ABCA1: variants seen among roughly 807,000 people sequenced by gnomAD.
The protein encoded by ABCA1 is phospholipid-transporting ATPase ABCA1.
In ABCA1, 133 loss-of-function variants were observed where a neutral mutation model predicts 262.5. The ratio of observed to expected loss-of-function variants is 0.51; its 90% CI spans 0.44 to 0.59. The LOEUF (loss-of-function observed/expected upper bound fraction) is 0.59, where lower values mean the gene tolerates loss of function less well. Among genes scored for constraint, ABCA1 ranks in the 20% least tolerant of loss-of-function variants. The probability of loss-of-function intolerance (pLI) is 0.00; values close to 1 mark genes in which losing one functional copy is unlikely to be tolerated. For synonymous variants in ABCA1, 1,022 were observed against 1,043.5 expected, an observed-to-expected ratio of 0.98 and a Z score of 0.40; for missense variants, 2,452 against 2,777.5, an observed-to-expected ratio of 0.88 and a Z score of 2.63.
intron 28 of ABCA1, among the ~76,000 whole-genome samples, chr9:104,811,435 A>T (rs750571863): frequency 1.2e-4 from 19 of 152,252 alleles, no homozygotes; most frequent in Middle Eastern, 3.4e-3. Flanking sequence ...ACTATAATAA[A>T]ACCAACTCTA....
At chr9:104,806,026 A>C (rs983358948) in intron 31 of ABCA1, among the ~76,000 whole-genome samples, 25 of 151,976 alleles carry the variant, frequency 1.6e-4, no homozygotes, top group African/African-American at 6.0e-4. Context: ...AATCGCTTGA[A>C]CCTGGGAGGT....
chr9:104,786,369 A>C lies in ABCA1; in HGVS notation c.6330T>G (p.Leu2110=), dbSNP rs754074746. The part of the protein sequence containing the change: ...TSHSMEECEA[L]CTRMAIMVNG... ...TGACCATGATTGCCATCCTAGTGCA[A>C]AGAGCTTCACATTCTTCCATACTGC... The change falls in exon 48 of 50, where the codon CTT becomes CTG. Residue 2110 remains leucine, a synonymous_variant. Transcript: ENST00000374736. 3 of 1,614,146 alleles carry C rather than the reference A, an allele frequency of 1.9e-6. No individual in the cohort carries two copies. In the Admixed American group the frequency reaches 5.0e-5, roughly 27 times the overall value.
intron 7 of ABCA1, among the ~76,000 whole-genome samples, chr9:104,846,009 A>C (rs1834839029): frequency 6.6e-6 from 1 of 152,222 alleles, no homozygotes; most frequent in Non-Finnish European, 1.5e-5. Flanking sequence ...GAAAGATGGA[A>C]TTCTGTCACT....
At position 104,787,943 on chromosome 9, in the gene ABCA1, C is replaced by T. The variant is rs751548064; in HGVS notation, c.6181G>A (p.Gly2061Ser). ...ACCAGAAACACCACAGGAGGCCCGC[C>T]GATCAAAGCCATGGCTGTAGAGAGC... is the stretch of plus-strand genomic sequence containing the variant. ...RKLSTAMALI[G>S]GPPVVFLDEP... The change falls in exon 46 of 50, where the codon GGC becomes AGC. Residue 2061 changes from glycine to serine, a missense_variant. Physicochemically the swap from Gly to Ser is moderately conservative, Grantham distance 56. This residue lies in a region of ABCA1 where 752 missense variants were observed against 944.5 expected (regional missense o/e 0.80). Transcript: ENST00000374736. 13 of 1,613,978 alleles carry T rather than the reference C, an allele frequency of 8.1e-6. No individual in the cohort carries two copies. The highest frequency in any genetic ancestry group is 3.3e-5 in the Admixed American group (2 of 59,996).
At chr9:104,876,907 G>A (rs1838213481) in intron 5 of ABCA1, among the ~76,000 whole-genome samples, 1 of 152,194 alleles carries the variant, frequency 6.6e-6, no homozygotes, top group African/African-American at 2.4e-5. Context: ...GGGGCCTGAG[G>A]CTGACACAAG....
intron 31 of ABCA1, 32 bp downstream of exon 31, chr9:104,806,209 T>G (rs1830747225): frequency 6.2e-7 from 1 of 1,608,684 alleles, no homozygotes. Context: ...CCTGCACCCC[T>G]TCTGCCCAAT....
chr9:104,831,406 T>C lies in ABCA1; in HGVS notation c.1715+216A>G, dbSNP rs112953925. ...TGGAATTAATTCCCTTGAGTAGAAA[T>C]GCTAAATCAAAAGATACTGTTATTT... On this transcript the variant is annotated intron_variant, in intron 13 of 49. Transcript: ENST00000374736. 0.035 allele frequency among the ~76,000 whole-genome samples: 5,386 copies of C among 152,110 alleles called. 346 individuals carry two copies. The highest frequency in any genetic ancestry group is 0.12 in the African/African-American group (5,140 of 41,486).
intron 13 of ABCA1, 53 bp from the exon 14 acceptor site, chr9:104,831,154 A>AAC: frequency 7.2e-7 from 1 of 1,387,550 alleles, no homozygotes; most frequent in Non-Finnish European, 9.7e-7. Context: ...TACAATAAAA[A>AAC]AAAAAAAAAA....
At chr9:104,862,649 C>CGGCCCCCCGGGCA (rs1836585421) in intron 5 of ABCA1, among the ~76,000 whole-genome samples, 1 of 11,694 alleles carries the variant, frequency 8.6e-5, no homozygotes, top group Non-Finnish European at 1.8e-4. Context: ...CGGGCCGGGC[C>CGGCCCCCCGGGCA]GGGCCGGGCC....
chr9:104,899,770 G>A (rs1192591200), intron 2 of ABCA1, among the ~76,000 whole-genome samples: 1 of 152,004 alleles, frequency 6.6e-6, no homozygotes, highest in Non-Finnish European at 1.5e-5. Flanking sequence ...TAATAATAAA[G>A]GCAAAAGAAA....
At chr9:104,888,194 G>A (rs1381012355) in intron 3 of ABCA1, among the ~76,000 whole-genome samples, 1 of 152,078 alleles carries the variant, frequency 6.6e-6, no homozygotes, top group African/African-American at 2.4e-5. Flanking sequence ...CAATTAAAAG[G>A]TGGCCCTGGC....
Position 104,850,145 on chromosome 9 carries a change from G to A in ABCA1, c.721-4576C>T, listed in dbSNP as rs537689282. Among the ~76,000 whole-genome samples the A allele has an allele frequency of 6.0e-3, 744 of 123,034 alleles. 4 individuals are homozygous for A. Among genetic ancestry groups the A allele is most frequent in the Non-Finnish European group, 8.8e-3 (533 of 60,320 alleles). 80.7% of individuals were successfully genotyped at this position (123,034 alleles called of 152,430 possible). Reference sequence around the variant, plus strand: ...TTTGTTTGTTTGTTTGTTTGAAGACGGAGTCTCACTCTGTCACCCAGGCTA... The same window carrying A: ...TTTGTTTGTTTGTTTGTTTGAAGACAGAGTCTCACTCTGTCACCCAGGCTA... On this transcript the variant is annotated intron_variant, in intron 7 of 49. Coordinates refer to ENST00000374736, the MANE Select transcript of ABCA1 (RefSeq NM_005502.4).
intron 5 of ABCA1, among the ~76,000 whole-genome samples, chr9:104,869,238 A>G (rs183350653): frequency 6.6e-6 from 1 of 151,428 alleles, no homozygotes; most frequent in East Asian, 2.0e-4. Flanking sequence ...GAGGAGGCAA[A>G]TGAAAAAAAA....
At chr9:104,895,117 C>G (rs1231878031) in intron 2 of ABCA1, among the ~76,000 whole-genome samples, 2 of 152,210 alleles carry the variant, frequency 1.3e-5, no homozygotes, top group Admixed American at 6.5e-5. Flanking sequence ...ATTATAAATT[C>G]CTACAGAAAA....
intron 27 of ABCA1, among the ~76,000 whole-genome samples, chr9:104,812,983 G>A (rs1831412537): frequency 6.6e-6 from 1 of 152,202 alleles, no homozygotes; most frequent in East Asian, 1.9e-4. Context: ...CTGAAAAGAG[G>A]TGTTCATGCG....
intron 7 of ABCA1, among the ~76,000 whole-genome samples, chr9:104,854,542 CA>C (rs1000911529): frequency 1.6e-4 from 24 of 152,146 alleles, no homozygotes; most frequent in Non-Finnish European, 3.2e-4. Flanking sequence ...TCCTGCAGTC[CA>C]AAACAGATTG....
chr9:104,832,638 T>C lies in ABCA1; in HGVS notation c.1445A>G (p.Tyr482Cys). 8 of 1,614,188 alleles carry C rather than the reference T, an allele frequency of 5.0e-6. No individual in the cohort carries two copies. The highest frequency in any genetic ancestry group is 6.8e-6 in the Non-Finnish European group (8 of 1,180,026). The change falls in exon 12 of 50, where the codon TAC becomes TGC. Residue 482 changes from tyrosine (Y) to cysteine (C), a missense_variant. Tyr to Cys is a radical substitution (Grantham distance 194). Coordinates refer to ENST00000374736, the MANE Select transcript of ABCA1 (RefSeq NM_005502.4). ...CTCGTTGAAAGCTTCTCTCCAGGTG[T>C]ACACAGAACCATTACTGGACTGGAC... ...EDVQSSNGSV[Y>C]TWREAFNETN...
chr9:104,890,086 C>T (rs112593204), intron 2 of ABCA1, among the ~76,000 whole-genome samples: 1 of 152,202 alleles, frequency 6.6e-6, no homozygotes, highest in African/African-American at 2.4e-5. Context: ...CAACTAGTTA[C>T]ACTGCCTGAA....
At position 104,828,942 on chromosome 9, in the gene ABCA1, C is replaced by A. The variant is rs114620717; in HGVS notation, c.2089G>T (p.Ala697Ser). 2 of 1,614,086 alleles carry A rather than the reference C, an allele frequency of 1.2e-6. No homozygotes were observed. The highest frequency in any genetic ancestry group is 1.1e-5 in the South Asian group (1 of 91,076). Residue 697 changes from alanine (A) to serine (S), a missense_variant, in exon 15 of 50, where the codon GCT becomes TCT. This residue lies in a region of ABCA1 where 1,032 missense variants were observed against 1,089.7 expected (regional missense o/e 0.95). Coordinates refer to ENST00000374736, the MANE Select transcript of ABCA1 (RefSeq NM_005502.4). ...TTCAGGATGACCACTAGCAGGCCAG[C>A]GCTCACAAGAAGAGGAATGAGGCTA... ...ISSLIPLLVS[A>S]GLLVVILKLG...
Sources: allele counts gnomAD v4.1 joint callset (sites outside exome capture counted in the v4.1 genomes callset), GRCh38; gene constraint gnomAD v4.1.1; regional missense constraint gnomAD v4.1.1; transcripts MANE v1.5; gene names NCBI Gene and HGNC (gene_info 2026-07-23, HGNC 2026-07-21).